Variants in STK39 observed in about 807,000 individuals in gnomAD.
STK39 encodes the protein STE20/SPS1-related proline-alanine-rich protein kinase.
STK39 carries 20 observed loss-of-function variants against 77.8 expected under a neutral mutation model. The observed-to-expected ratio is 0.26, with a 90% CI of 0.18 to 0.37. STK39 has a LOEUF of 0.37. Ranked by LOEUF, STK39 falls within the 10% of genes least tolerant of loss-of-function variation. STK39 has a pLI of 1.00. For missense variants in STK39, 479 were observed against 656.5 expected (o/e 0.73, Z 2.95); for synonymous variants, 246 against 234.1 (o/e 1.05, Z -0.47).
intron 14 of STK39, among the ~76,000 whole-genome samples, chr2:168,052,475 A>T (rs189620561): frequency 9.8e-5 from 15 of 152,372 alleles, no homozygotes; most frequent in Admixed American, 9.8e-4. Context: ...CTTGGAAAAA[A>T]AGCAATCTAG....
chr2:168,218,170 AAG>A (rs1574565445), intron 1 of STK39, among the ~76,000 whole-genome samples: 2 of 152,348 alleles, frequency 1.3e-5, no homozygotes, highest in East Asian at 3.9e-4. Context: ...CATAAATTGG[AAG>A]AGAGTTCCCA....
intron 1 of STK39, 110 bp downstream of exon 1, chr2:168,247,118 G>A: frequency 3.5e-6 from 2 of 575,218 alleles, no homozygotes; most frequent in Non-Finnish European, 4.4e-6. Flanking sequence ...CCCGAAGCCG[G>A]CCTCTCTGCC....
chr2:168,026,875 T>G (rs1447368317), intron 14 of STK39, among the ~76,000 whole-genome samples: 5 of 152,156 alleles, frequency 3.3e-5, no homozygotes, highest in African/African-American at 4.8e-5. Context: ...CTCAGCACTT[T>G]GAGAAGCTGA....
intron 5 of STK39, among the ~76,000 whole-genome samples, chr2:168,141,538 AATT>A (rs1317758318): frequency 6.6e-6 from 1 of 152,242 alleles, no homozygotes; most frequent in East Asian, 1.9e-4. Context: ...AATGCCTGGC[AATT>A]ATTAACGTAC....
intron 14 of STK39, among the ~76,000 whole-genome samples, chr2:168,023,407 G>A (rs989703902): frequency 6.6e-6 from 1 of 152,106 alleles, no homozygotes; most frequent in African/African-American, 2.4e-5. Context: ...TAAGAGGCTG[G>A]TAATGCAGAA....
At chr2:168,140,177 C>A (rs1386685520) in intron 7 of STK39, 112 bp downstream of exon 7, 1 of 911,618 alleles carries the variant, frequency 1.1e-6, no homozygotes, top group Non-Finnish European at 1.8e-6. Flanking sequence ...CTGCGTTCCT[C>A]CATTAATTCT....
In STK39 at chr2:168,075,030, T is replaced by A; in HGVS notation, c.1213-19A>T. 1 of 1,613,880 alleles carries A rather than the reference T, an allele frequency of 6.2e-7. No homozygotes were observed. The highest frequency in any genetic ancestry group is 8.5e-7 in the Non-Finnish European group (1 of 1,179,918). On this transcript the variant is annotated intron_variant, in intron 11 of 17. Transcript: ENST00000355999. ...TTCGTGACTGTAAAACAATTATGTA[T>A]CCATTAATATATATACACACACACA...
At chr2:168,101,567 A>T (rs971619034) in intron 10 of STK39, among the ~76,000 whole-genome samples, 1 of 151,940 alleles carries the variant, frequency 6.6e-6, no homozygotes, top group Non-Finnish European at 1.5e-5. Context: ...GTGAAACCCC[A>T]TCTCTACTAA....
chr2:168,234,021 G>A (rs1409457045), intron 1 of STK39, among the ~76,000 whole-genome samples: 1 of 152,196 alleles, frequency 6.6e-6, no homozygotes, highest in Non-Finnish European at 1.5e-5. Flanking sequence ...CTCTTCTTCT[G>A]AAGAGATGAA....
At chr2:168,164,605 C>A (rs534151072) in intron 3 of STK39, among the ~76,000 whole-genome samples, 100 of 152,100 alleles carry the variant, frequency 6.6e-4, no homozygotes, top group African/African-American at 2.2e-3. Flanking sequence ...TGGGGTCTTA[C>A]CACGTTGCCC....
chr2:168,008,202 T>C (rs759620104), intron 16 of STK39, among the ~76,000 whole-genome samples: 6 of 152,170 alleles, frequency 3.9e-5, no homozygotes, highest in Non-Finnish European at 7.3e-5. Context: ...GAGGACAGGC[T>C]GAAGGGAGGC....
intron 16 of STK39, among the ~76,000 whole-genome samples, chr2:168,005,497 A>G (rs1362697958): frequency 6.6e-6 from 1 of 152,180 alleles, no homozygotes; most frequent in Non-Finnish European, 1.5e-5. Context: ...CAAATCATCA[A>G]TTCATGCAAT....
At chr2:168,044,050 G>T (rs1022368998) in intron 14 of STK39, among the ~76,000 whole-genome samples, 2 of 152,178 alleles carry the variant, frequency 1.3e-5, no homozygotes, top group African/African-American at 4.8e-5. Context: ...CTCTGGGGAG[G>T]TTGTGTGAAA....
chr2:168,153,547 TAGGAGCACAC>T (rs1688345118), intron 5 of STK39, among the ~76,000 whole-genome samples: 1 of 151,506 alleles, frequency 6.6e-6, no homozygotes, highest in South Asian at 2.1e-4. Context: ...GCTGCTGCTC[TAGGAGCACAC>T]CTTGAGAGAG....
chr2:167,985,251 A>C (rs1360000230), intron 16 of STK39, among the ~76,000 whole-genome samples: 1 of 152,242 alleles, frequency 6.6e-6, no homozygotes, highest in Non-Finnish European at 1.5e-5. Flanking sequence ...AGGGTAATGA[A>C]GAAGGAAGAG....
chr2:168,199,070 G>A (rs1490117075), intron 1 of STK39, among the ~76,000 whole-genome samples: 2 of 152,168 alleles, frequency 1.3e-5, no homozygotes, highest in Non-Finnish European at 1.5e-5. Flanking sequence ...AAAGTAGCAG[G>A]GGGCGGGGGA....
intron 1 of STK39, 63 bp from the exon 2 acceptor site, chr2:168,182,153 C>T: frequency 7.3e-7 from 1 of 1,372,274 alleles, no homozygotes; most frequent in Admixed American, 1.7e-5. Context: ...CTATCTGTAA[C>T]TATTTTCCTA....
At chr2:167,978,869 G>A (rs932140719) in intron 16 of STK39, among the ~76,000 whole-genome samples, 1 of 151,088 alleles carries the variant, frequency 6.6e-6, no homozygotes. Context: ...GAATCATCTA[G>A]TACATACCCA....
At chr2:168,065,530 G>C (rs1685770103) in intron 12 of STK39, 149 bp from the exon 13 acceptor site, 1 of 791,418 alleles carries the variant, frequency 1.3e-6, no homozygotes, top group African/African-American at 1.7e-5. Flanking sequence ...GACTACCTGT[G>C]TTGGAATCAC....
Sources: allele counts gnomAD v4.1 joint callset (sites outside exome capture counted in the v4.1 genomes callset), GRCh38; gene constraint gnomAD v4.1.1; transcripts MANE v1.5; gene names NCBI Gene and HGNC (gene_info 2026-07-23, HGNC 2026-07-21).